Variants in ZNF521 observed in about 807,000 individuals in gnomAD.
ZNF521 encodes the protein LYST-interacting protein 3.
ZNF521 carries 14 observed loss-of-function variants against 105.5 expected under a neutral mutation model. The ratio of observed to expected loss-of-function variants is 0.13; its 90% CI spans 0.09 to 0.21. The LOEUF (loss-of-function observed/expected upper bound fraction) is 0.21. ZNF521 is among the 10% of genes least tolerant of loss of function. ZNF521 has a pLI of 1.00. For missense variants in ZNF521, 1,233 were observed against 1,629.7 expected (o/e 0.76, Z 4.19); for synonymous variants, 635 against 606.0 (o/e 1.05, Z -0.70).
At chr18:25,142,979 C>T (rs1175972630) in intron 5 of ZNF521, among the ~76,000 whole-genome samples, 3 of 152,044 alleles carry the variant, frequency 2.0e-5, no homozygotes, top group Non-Finnish European at 4.4e-5. Context: ...TAAACAAAAT[C>T]ACACCTGCTA....
At chr18:25,314,617 T>C (rs1479005529) in intron 3 of ZNF521, among the ~76,000 whole-genome samples, 1 of 152,240 alleles carries the variant, frequency 6.6e-6, no homozygotes, top group Non-Finnish European at 1.5e-5. Flanking sequence ...GCTTTATATA[T>C]CTGGTCTACA....
At chr18:25,211,693 C>T (rs989824459) in intron 4 of ZNF521, among the ~76,000 whole-genome samples, 3 of 152,118 alleles carry the variant, frequency 2.0e-5, no homozygotes, top group Non-Finnish European at 4.4e-5. Flanking sequence ...TTTGTTTTCA[C>T]TCCCTATATG....
At chr18:25,129,885 T>G in intron 5 of ZNF521, among the ~76,000 whole-genome samples, 1 of 152,170 alleles carries the variant, frequency 6.6e-6, no homozygotes, top group Admixed American at 6.6e-5. Context: ...TTTATTGTGG[T>G]GGGAATACAA....
At chr18:25,188,395 A>G (rs2035762388) in intron 5 of ZNF521, among the ~76,000 whole-genome samples, 1 of 152,174 alleles carries the variant, frequency 6.6e-6, no homozygotes. Flanking sequence ...CTAGGAAATA[A>G]CCTATGGAAA....
intron 4 of ZNF521, among the ~76,000 whole-genome samples, chr18:25,204,266 T>C (rs2036041619): frequency 1.3e-5 from 2 of 152,248 alleles, no homozygotes; most frequent in African/African-American, 2.4e-5. Flanking sequence ...AAGCTACTAC[T>C]ACATTTATAA....
In ZNF521 at chr18:25,329,474, A is replaced by T. The variant is rs183150806; in HGVS notation, c.41-7287T>A. ...GAAGAGCAAGTTGGGCTACATTTTGAAGGCCACATAACACTGGGAACAAGA... is the reference window on the plus strand; with the variant it reads ...GAAGAGCAAGTTGGGCTACATTTTGTAGGCCACATAACACTGGGAACAAGA... On this transcript the variant is annotated intron_variant, in intron 2 of 7. Coordinates refer to ENST00000361524, the MANE Select transcript of ZNF521 (RefSeq NM_015461.3). Among the ~76,000 whole-genome samples, 17 of 152,304 alleles carry T rather than the reference A, an allele frequency of 1.1e-4. No homozygotes were observed. In the East Asian group the frequency reaches 2.1e-3, roughly 19 times the overall value.
At chr18:25,077,603 G>A (rs1415055193) in intron 7 of ZNF521, among the ~76,000 whole-genome samples, 1 of 152,074 alleles carries the variant, frequency 6.6e-6, no homozygotes, top group African/African-American at 2.4e-5. Flanking sequence ...GAACGTCCAT[G>A]CGTTATGTTT....
intron 5 of ZNF521, among the ~76,000 whole-genome samples, chr18:25,130,086 C>G (rs1282506338): frequency 6.6e-6 from 1 of 152,084 alleles, no homozygotes; most frequent in Non-Finnish European, 1.5e-5. Flanking sequence ...GAAGCAACAA[C>G]TAAGATGTCT....
chr18:25,083,968 A>T (rs2033564517), intron 7 of ZNF521, among the ~76,000 whole-genome samples: 1 of 108,962 alleles, frequency 9.2e-6, no homozygotes, highest in East Asian at 3.1e-4. Context: ...TTTTTGGTAG[A>T]GATGAGGCTT....
chr18:25,192,835 G>C (rs2035842123), intron 5 of ZNF521, among the ~76,000 whole-genome samples: 1 of 152,046 alleles, frequency 6.6e-6, no homozygotes, highest in Non-Finnish European at 1.5e-5. Context: ...CTTAGCCTTT[G>C]TGACTCCCTT....
At chr18:25,098,213 A>C (rs2033892304) in intron 5 of ZNF521, among the ~76,000 whole-genome samples, 1 of 152,192 alleles carries the variant, frequency 6.6e-6, no homozygotes, top group Admixed American at 6.5e-5. Context: ...CCCACCAAAA[A>C]GGTGGCTTTC....
At chr18:25,189,850 T>A (rs1036561173) in intron 5 of ZNF521, among the ~76,000 whole-genome samples, 1 of 152,236 alleles carries the variant, frequency 6.6e-6, no homozygotes, top group Non-Finnish European at 1.5e-5. Context: ...TTATTCTGCC[T>A]GGTTCACTTG....
chr18:25,237,712 A>T (rs879443271), intron 3 of ZNF521, among the ~76,000 whole-genome samples: 9 of 152,246 alleles, frequency 5.9e-5, no homozygotes, highest in Non-Finnish European at 1.2e-4. Flanking sequence ...TACTGTCTGT[A>T]CCAAAGGGCT....
chr18:25,137,946 C>G (rs1205472643), intron 5 of ZNF521, among the ~76,000 whole-genome samples: 1 of 152,202 alleles, frequency 6.6e-6, no homozygotes, highest in Non-Finnish European at 1.5e-5. Context: ...TGTTCAGAAA[C>G]TCTCCTTCTG....
intron 7 of ZNF521, among the ~76,000 whole-genome samples, chr18:25,065,395 A>C (rs1039786966): frequency 6.6e-6 from 1 of 152,176 alleles, no homozygotes; most frequent in Admixed American, 6.5e-5. Flanking sequence ...AATTATTGAA[A>C]ATATTGTGTA....
At chr18:25,277,926 G>T (rs1310796310) in intron 3 of ZNF521, among the ~76,000 whole-genome samples, 1 of 152,034 alleles carries the variant, frequency 6.6e-6, no homozygotes, top group Non-Finnish European at 1.5e-5. Context: ...TGTACTGGTA[G>T]ATTTCCCTAC....
intron 3 of ZNF521, among the ~76,000 whole-genome samples, chr18:25,279,367 A>T (rs954055477): frequency 6.6e-6 from 1 of 152,246 alleles, no homozygotes; most frequent in African/African-American, 2.4e-5. Flanking sequence ...GTTTGTGTGT[A>T]AACGAGCTTC....
At chr18:25,238,466 G>C (rs1907079590) in intron 3 of ZNF521, among the ~76,000 whole-genome samples, 1 of 152,158 alleles carries the variant, frequency 6.6e-6, no homozygotes, top group Admixed American at 6.5e-5. Flanking sequence ...CAGTGGGTCT[G>C]TTTGCCTCTC....
chr18:25,348,764 C>T (rs1406133885), intron 2 of ZNF521, among the ~76,000 whole-genome samples: 2 of 152,142 alleles, frequency 1.3e-5, no homozygotes, highest in East Asian at 1.9e-4. Context: ...AATAAAATGT[C>T]CTCTTTACTC....
Sources: allele counts gnomAD v4.1 joint callset (sites outside exome capture counted in the v4.1 genomes callset), GRCh38; gene constraint gnomAD v4.1.1; transcripts MANE v1.5; gene names NCBI Gene and HGNC (gene_info 2026-07-23, HGNC 2026-07-21).